The following VPS39 variants were observed in gnomAD, a reference collection of about 807,000 sequenced individuals.
The protein encoded by VPS39 is VPS39 subunit of HOPS complex, also known as vam6/Vps39-like protein.
Under a neutral mutation model 121.0 loss-of-function variants are expected in VPS39, and 70 were observed. That is an observed-to-expected ratio of 0.58 (90% CI 0.48 to 0.71). VPS39 has a LOEUF of 0.71. Among genes scored for constraint, VPS39 ranks in the 30% least tolerant of loss-of-function variants. The pLI, the probability that VPS39 is intolerant of heterozygous loss-of-function variation, is 0.00. For missense variants in VPS39, 818 were observed against 1,051.5 expected, an observed-to-expected ratio of 0.78 and a Z score of 3.07; for synonymous variants, 378 against 398.1, an observed-to-expected ratio of 0.95 and a Z score of 0.60.
intron 24 of VPS39, 74 bp from the exon 25 acceptor site, chr15:42,160,903 C>T (rs2049114783): frequency 6.7e-7 from 1 of 1,483,474 alleles, no homozygotes; most frequent in African/African-American, 1.4e-5. Flanking sequence ...GCACCTCCTA[C>T]AGAAGAGGCA....
intron 2 of VPS39, chr15:42,199,520 TA>T: frequency 2.2e-6 from 1 of 444,854 alleles, no homozygotes. Context: ...CGATGTTGCC[TA>T]ATTTTTTTTC....
At chr15:42,164,834 T>A (rs1595639354) in intron 18 of VPS39, 162 bp downstream of exon 18, 2 of 1,442,846 alleles carry the variant, frequency 1.4e-6, no homozygotes, top group African/African-American at 1.4e-5. Context: ...CTGAGTCTCA[T>A]GTGCCAGGCT....
rs930812083 is a variant in VPS39, at chr15:42,164,789, G to C, written c.1897+207C>G. On this transcript the variant is annotated intron_variant, in intron 18 of 24. Transcript: ENST00000318006. ...CACCCTCCCCGAGGGATGACTCTGA[G>C]ACACTCAGAGATGCCAGGACCTAGA... The C allele has an allele frequency of 5.6e-6, 8 of 1,433,428 alleles. No homozygotes were observed. The African/African-American group carries it at 8.6e-5, about 15-fold the overall frequency. The allele number at this position is 1,433,428 out of a possible 1,614,324, so 88.8% of individuals were successfully genotyped here. A position where few individuals can be genotyped will look rare whatever the true frequency, so the allele number is the denominator to read the frequency against.
intron 10 of VPS39, among the ~76,000 whole-genome samples, chr15:42,175,523 G>C (rs1323197012): frequency 6.6e-6 from 1 of 152,028 alleles, no homozygotes; most frequent in African/African-American, 2.4e-5. Flanking sequence ...TATGAGCTTT[G>C]CTTCTTCCTC....
chr15:42,199,681 A>G (rs1264312918), intron 2 of VPS39: 1 of 549,678 alleles, frequency 1.8e-6, no homozygotes, highest in Non-Finnish European at 3.3e-6. Context: ...AGTAATAAGT[A>G]AACCAGCAAT....
chr15:42,200,491 C>T (rs73407407), intron 1 of VPS39, among the ~76,000 whole-genome samples: 23,891 of 152,026 alleles, frequency 0.16, 3,434 homozygotes, highest in African/African-American at 0.37. Context: ...AAATAAATGA[C>T]GTAACATAAT....
intron 21 of VPS39, 30 bp downstream of exon 21, chr15:42,163,320 C>A (rs368023974): frequency 1.2e-6 from 2 of 1,614,028 alleles, no homozygotes; most frequent in South Asian, 1.1e-5. Context: ...GGTATGCACA[C>A]GTGCTCCCTG....
At chr15:42,173,565 C>A (rs1460360536) in intron 11 of VPS39, 158 bp downstream of exon 11, 3 of 881,934 alleles carry the variant, frequency 3.4e-6, no homozygotes, top group Non-Finnish European at 5.1e-6. Flanking sequence ...AGATATGTAA[C>A]CACTGTGGTC....
rs1026254130 is a variant in VPS39, at chr15:42,197,349, T to TA, written c.139+2546dup. 5.2e-3 allele frequency among the ~76,000 whole-genome samples: 473 copies of TA among 91,286 alleles called. 3 individuals carry two copies. Among genetic ancestry groups the TA allele is most frequent in the African/African-American group, 0.014 (354 of 25,104 alleles). 59.9% of individuals were successfully genotyped at this position (91,286 alleles called of 152,430 possible). On this transcript the variant is annotated intron_variant, in intron 2 of 24. Transcript: ENST00000318006. ...ATTAAAAAGAGTGGAAAAAAAAACCTAAAAAAAAAAAAAGAAAAAATCTAA... is the reference window on the plus strand; with the variant it reads ...ATTAAAAAGAGTGGAAAAAAAAACCTAAAAAAAAAAAAAAGAAAAAATCTAA...
chr15:42,191,008 G>C, intron 4 of VPS39, 117 bp downstream of exon 4: 1 of 1,180,992 alleles, frequency 8.5e-7, no homozygotes. Flanking sequence ...GTTATACCAG[G>C]TTTGGAACAC....
chr15:42,166,125 T>C, intron 16 of VPS39, 34 bp downstream of exon 16: 2 of 1,597,808 alleles, frequency 1.3e-6, no homozygotes, highest in Non-Finnish European at 1.7e-6. Context: ...ACCAAGTGTT[T>C]ACCAGATAAA....
chr15:42,188,097 TG>T (rs1436109657), intron 5 of VPS39, among the ~76,000 whole-genome samples: 1 of 152,128 alleles, frequency 6.6e-6, no homozygotes, highest in Non-Finnish European at 1.5e-5. Flanking sequence ...GCAAATCACA[TG>T]GACATTCACA....
intron 1 of VPS39, among the ~76,000 whole-genome samples, chr15:42,201,330 C>T (rs1346119807): frequency 6.6e-6 from 1 of 152,108 alleles, no homozygotes; most frequent in African/African-American, 2.4e-5. Context: ...CATGCACCAC[C>T]ACGTTCAGCT....
At chr15:42,206,081 A>C (rs1311999537) in intron 1 of VPS39, among the ~76,000 whole-genome samples, 1 of 152,208 alleles carries the variant, frequency 6.6e-6, no homozygotes, top group East Asian at 1.9e-4. Flanking sequence ...AGATGCTGAA[A>C]AGGCAGCAGG....
At chr15:42,202,634 C>T (rs2050089869) in intron 1 of VPS39, among the ~76,000 whole-genome samples, 1 of 152,156 alleles carries the variant, frequency 6.6e-6, no homozygotes, top group Non-Finnish European at 1.5e-5. Context: ...TCATCTTCCC[C>T]ATCCTTCTCT....
intron 2 of VPS39, among the ~76,000 whole-genome samples, chr15:42,193,520 C>T (rs2049873519): frequency 6.6e-6 from 1 of 152,146 alleles, no homozygotes; most frequent in Non-Finnish European, 1.5e-5. Flanking sequence ...CGTAAAAAAA[C>T]ATTGGTCTAC....
intron 10 of VPS39, among the ~76,000 whole-genome samples, chr15:42,177,789 C>A (rs2049486545): frequency 6.6e-6 from 1 of 152,148 alleles, no homozygotes; most frequent in Non-Finnish European, 1.5e-5. Context: ...GCCTCAGCTT[C>A]CTGAGTGGCT....
chr15:42,205,828 G>A (rs2050158724), intron 1 of VPS39, among the ~76,000 whole-genome samples: 2 of 152,192 alleles, frequency 1.3e-5, no homozygotes, highest in Non-Finnish European at 2.9e-5. Flanking sequence ...TAATCATCAA[G>A]ATAGAGAGAA....
At chr15:42,172,137 C>A (rs939407767) in intron 11 of VPS39, among the ~76,000 whole-genome samples, 6 of 152,196 alleles carry the variant, frequency 3.9e-5, no homozygotes, top group Non-Finnish European at 7.3e-5. Flanking sequence ...ACTTCCTTGC[C>A]TTGAACCTGG....
Sources: allele counts gnomAD v4.1 joint callset (sites outside exome capture counted in the v4.1 genomes callset), GRCh38; gene constraint gnomAD v4.1.1; transcripts MANE v1.5; gene names NCBI Gene and HGNC (gene_info 2026-07-23, HGNC 2026-07-21).